CRTAP: variants seen among roughly 807,000 people sequenced by gnomAD.
The protein encoded by CRTAP is cartilage associated protein.
A neutral mutation model predicts 42.7 loss-of-function variants in CRTAP; 33 were observed. The observed-to-expected ratio is 0.77, with a 90% CI of 0.59 to 1.03. CRTAP has a LOEUF of 1.03. Among genes scored for constraint, CRTAP ranks in the 50% least tolerant of loss-of-function variants. The probability of loss-of-function intolerance (pLI) is 0.00; values close to 1 mark genes in which losing one functional copy is unlikely to be tolerated. For synonymous variants in CRTAP, 243 were observed against 217.7 expected, an observed-to-expected ratio of 1.12 and a Z score of -1.02; for missense variants, 613 against 533.9, an observed-to-expected ratio of 1.15 and a Z score of -1.46.
intron 6 of CRTAP, 114 bp downstream of exon 6, chr3:33,134,379 T>G: frequency 1.3e-6 from 1 of 761,058 alleles, no homozygotes; most frequent in East Asian, 2.6e-5. Context: ...GAGGGGACCT[T>G]GAGAAAGACA....
chr3:33,141,653 C>T (rs766545636), intron 6 of CRTAP, among the ~76,000 whole-genome samples: 13 of 152,212 alleles, frequency 8.5e-5, no homozygotes, highest in Non-Finnish European at 1.2e-4. Flanking sequence ...CAGCCTTGGT[C>T]ATTCACTCAT....
chr3:33,125,529 T>C (rs2030039226), intron 3 of CRTAP, among the ~76,000 whole-genome samples: 1 of 69,732 alleles, frequency 1.4e-5, no homozygotes, highest in African/African-American at 4.6e-5. Context: ...TTAAGAAAAC[T>C]TCTTGTTATG....
In CRTAP at chr3:33,129,986, C is replaced by T. The variant is rs1387218099; in HGVS notation, c.841C>T (p.Leu281Phe). The change falls in exon 4 of 7, where the codon CTC (leucine) becomes TTC (phenylalanine). Residue 281 changes from leucine (L) to phenylalanine (F), a missense_variant. Physicochemically the swap from Leu to Phe is conservative, Grantham distance 22. Transcript: ENST00000320954. ...LECKIQCEEN[L>F]TPVIGGYPVE... ...ATGCAAAATACAGTGTGAAGAGAAC[C>T]TCACCCCAGTTATAGGAGGCTATCC... is the stretch of plus-strand genomic sequence containing the variant. The T allele has an allele frequency of 1.2e-6, 2 of 1,612,904 alleles. No individual in the cohort carries two copies. Among genetic ancestry groups the T allele is most frequent in the African/African-American group, 1.3e-5 (1 of 74,864 alleles).
chr3:33,139,981 C>T (rs1403972166), intron 6 of CRTAP, among the ~76,000 whole-genome samples: 1 of 152,096 alleles, frequency 6.6e-6, no homozygotes, highest in Non-Finnish European at 1.5e-5. Context: ...TTTGCTTTTA[C>T]AAATAGCATA....
At chr3:33,122,252 T>C (rs2029899413) in intron 2 of CRTAP, among the ~76,000 whole-genome samples, 1 of 151,930 alleles carries the variant, frequency 6.6e-6, no homozygotes, top group South Asian at 2.1e-4. Context: ...ATCAGGGGCC[T>C]CCTCTTTCTG....
chr3:33,130,117 AC>A, intron 4 of CRTAP, 50 bp downstream of exon 4: 1 of 1,568,452 alleles, frequency 6.4e-7, no homozygotes, highest in Non-Finnish European at 8.8e-7. Flanking sequence ...TCCTTCTAAG[AC>A]TGTAAAATAG....
In CRTAP at chr3:33,147,406, G is replaced by A. The variant is rs2030750640; in HGVS notation, c.*4958G>A. The A allele has an allele frequency of 6.5e-6, 1 of 152,672 alleles. No homozygotes were observed. Among genetic ancestry groups the A allele is most frequent in the Admixed American group, 6.5e-5 (1 of 15,290 alleles). The allele number at this position is 152,672 out of a possible 1,614,324, so 9.5% of individuals were successfully genotyped here. A position where few individuals can be genotyped will look rare whatever the true frequency, so the allele number is the denominator to read the frequency against. On this transcript the variant is annotated 3_prime_UTR_variant, in exon 7 of 7. Transcript: ENST00000320954. The stretch of plus-strand genomic sequence containing the variant: ...GGCTCGTGAACAGCCACATATCCTT[G>A]CACCTGACACTGTCCCCACACAAAT...
chr3:33,138,360 T>G (rs568314978), intron 6 of CRTAP, among the ~76,000 whole-genome samples: 1 of 152,310 alleles, frequency 6.6e-6, no homozygotes, highest in South Asian at 2.1e-4. Context: ...TAATATTGTC[T>G]TCTAATCCAT....
At chr3:33,116,341 A>G (rs184830789) in intron 1 of CRTAP, among the ~76,000 whole-genome samples, 148 of 152,294 alleles carry the variant, frequency 9.7e-4, no homozygotes, top group African/African-American at 3.4e-3. Context: ...TCAGTAAAAT[A>G]CTATCTATCT....
intron 3 of CRTAP, 32 bp downstream of exon 3, chr3:33,124,611 C>G: frequency 6.2e-7 from 1 of 1,607,974 alleles, no homozygotes; most frequent in South Asian, 1.1e-5. Context: ...TCACTACTCC[C>G]ATGGAATAGT....
chr3:33,141,105 T>A (rs1392839404), intron 6 of CRTAP, among the ~76,000 whole-genome samples: 6 of 152,008 alleles, frequency 3.9e-5, no homozygotes, highest in Admixed American at 3.9e-4. Context: ...TGGGGATGAG[T>A]GCACTGGGAA....
At chr3:33,126,206 G>A (rs2030066134) in intron 3 of CRTAP, among the ~76,000 whole-genome samples, 1 of 152,208 alleles carries the variant, frequency 6.6e-6, no homozygotes, top group South Asian at 2.1e-4. Context: ...CATCACGTAA[G>A]TGGAGTCATA....
intron 6 of CRTAP, among the ~76,000 whole-genome samples, chr3:33,134,771 A>G (rs1263186691): frequency 6.6e-6 from 1 of 151,990 alleles, no homozygotes; most frequent in Non-Finnish European, 1.5e-5. Context: ...TCATTTTGTG[A>G]TGAGTCTGGT....
Position 33,114,342 on chromosome 3 carries a change from A to AGCGCC in CRTAP, c.273_277dup (p.Gln93ArgfsTer83). 6.5e-7 allele frequency: 1 copy of AGCGCC among 1,528,676 alleles called. No homozygotes were observed. The highest frequency in any genetic ancestry group is 8.7e-7 in the Non-Finnish European group (1 of 1,144,680). The allele number at this position is 1,528,676 out of a possible 1,614,324, so 94.7% of individuals were successfully genotyped here. The stretch of plus-strand genomic sequence containing the variant: ...CGAGGCCTTCTGCCACCGCAACTGC[A>AGCGCC]GCGCCGCGCCGCAGCCCGAGCCCGC... On this transcript the variant is annotated frameshift_variant, in exon 1 of 7. Coordinates refer to ENST00000320954, the MANE Select transcript of CRTAP (RefSeq NM_006371.5). LOFTEE classifies it high-confidence loss of function.
At chr3:33,135,391 G>A (rs2030390950) in intron 6 of CRTAP, among the ~76,000 whole-genome samples, 1 of 152,174 alleles carries the variant, frequency 6.6e-6, no homozygotes, top group Admixed American at 6.5e-5. Flanking sequence ...CATTTGGGAG[G>A]CCAAAGCAGG....
chr3:33,133,785 A>G (rs1438128420), intron 5 of CRTAP, among the ~76,000 whole-genome samples: 1 of 152,142 alleles, frequency 6.6e-6, no homozygotes, highest in Non-Finnish European at 1.5e-5. Flanking sequence ...CCATCATTTA[A>G]TTCCCTTGAT....
At chr3:33,127,839 C>T (rs1160381015) in intron 3 of CRTAP, among the ~76,000 whole-genome samples, 1 of 151,216 alleles carries the variant, frequency 6.6e-6, no homozygotes, top group East Asian at 2.0e-4. Flanking sequence ...CTCTGTCTGC[C>T]GGGTTGAAGC....
intron 1 of CRTAP, among the ~76,000 whole-genome samples, chr3:33,119,115 C>A (rs968594786): frequency 5.9e-5 from 9 of 152,318 alleles, no homozygotes; most frequent in African/African-American, 1.9e-4. Context: ...GACCAGATAT[C>A]TACCTCCCCT....
In CRTAP at chr3:33,132,593, T is replaced by C. The variant is rs2125603847; in HGVS notation, c.961T>C (p.Tyr321His). 6.2e-7 allele frequency: 1 copy of C among 1,614,228 alleles called. No individual in the cohort carries two copies. Among genetic ancestry groups the C allele is most frequent in the East Asian group, 2.2e-5 (1 of 44,888 alleles). ...LKNAAPCAVS[Y>H]LLFDQNDKVM... ...GAATGCAGCCCCCTGTGCAGTCAGCTATCTGCTCTTTGATCAGAATGACAA... is the reference window on the plus strand; with the variant it reads ...GAATGCAGCCCCCTGTGCAGTCAGCCATCTGCTCTTTGATCAGAATGACAA... The change falls in exon 5 of 7, where the codon TAT (tyrosine) becomes CAT (histidine). Residue 321 changes from tyrosine (Y) to histidine (H), a missense_variant. Transcript: ENST00000320954.
Sources: allele counts gnomAD v4.1 joint callset (sites outside exome capture counted in the v4.1 genomes callset), GRCh38; gene constraint gnomAD v4.1.1; transcripts MANE v1.5; gene names NCBI Gene and HGNC (gene_info 2026-07-23, HGNC 2026-07-21).